RGS7: variants seen among roughly 807,000 people sequenced by gnomAD.
The protein encoded by RGS7 is regulator of G protein signaling 7, also known as regulator of G-protein signaling 7.
Under a neutral mutation model 81.1 loss-of-function variants are expected in RGS7, and 27 were observed. The observed-to-expected ratio is 0.33, with a 90% confidence interval of 0.25 to 0.46. RGS7 has a LOEUF of 0.46. RGS7 is among the 20% of genes least tolerant of loss of function. RGS7 has a pLI of 1.00. For synonymous variants in RGS7, 208 were observed against 207.7 expected, an observed-to-expected ratio of 1.00 and a Z score of -0.01; for missense variants, 396 against 607.4, an observed-to-expected ratio of 0.65 and a Z score of 3.66.
chr1:241,314,163 C>G (rs1163435881), intron 2 of RGS7, among the ~76,000 whole-genome samples: 1 of 152,180 alleles, frequency 6.6e-6, no homozygotes, highest in Non-Finnish European at 1.5e-5. Flanking sequence ...TGACTTCAAT[C>G]TTCGAAGTCC....
At chr1:240,905,897 T>C (rs1670742755) in intron 6 of RGS7, among the ~76,000 whole-genome samples, 1 of 152,182 alleles carries the variant, frequency 6.6e-6, no homozygotes. Flanking sequence ...GCTCAACAAG[T>C]ATTTGTAAAT....
chr1:241,018,529 C>CT (rs1236450980), intron 3 of RGS7, among the ~76,000 whole-genome samples: 1 of 151,662 alleles, frequency 6.6e-6, no homozygotes, highest in East Asian at 1.9e-4. Flanking sequence ...ATTTTTTTGT[C>CT]TTTTTTCTTG....
At chr1:240,791,031 T>C (rs182898544) in intron 18 of RGS7, among the ~76,000 whole-genome samples, 1 of 152,220 alleles carries the variant, frequency 6.6e-6, no homozygotes, top group South Asian at 2.1e-4. Flanking sequence ...ATTGGGTAAT[T>C]TGGCTGATGA....
chr1:240,813,323 A>G (rs772174837), intron 13 of RGS7, among the ~76,000 whole-genome samples: 8 of 152,238 alleles, frequency 5.3e-5, no homozygotes, highest in Non-Finnish European at 7.3e-5. Flanking sequence ...TTCCAGGAAG[A>G]TAATAGCAAT....
intron 3 of RGS7, among the ~76,000 whole-genome samples, chr1:241,083,935 T>C (rs1483767022): frequency 6.8e-6 from 1 of 146,754 alleles, no homozygotes; most frequent in Non-Finnish European, 1.5e-5. Context: ...AGAAGCATCT[T>C]AGAACCACCT....
chr1:241,072,616 C>T (rs1301635469), intron 3 of RGS7, among the ~76,000 whole-genome samples: 1 of 152,108 alleles, frequency 6.6e-6, no homozygotes, highest in African/African-American at 2.4e-5. Flanking sequence ...CCGGTCCCTC[C>T]AGGTTGATGG....
At chr1:240,797,069 C>G (rs750959785) in intron 18 of RGS7, among the ~76,000 whole-genome samples, 4 of 152,160 alleles carry the variant, frequency 2.6e-5, no homozygotes, top group Non-Finnish European at 5.9e-5. Flanking sequence ...TTAATTTCCA[C>G]TTCACACAAA....
chr1:241,161,719 CTTTTT>C (rs140807162), intron 2 of RGS7, among the ~76,000 whole-genome samples: 1 of 129,820 alleles, frequency 7.7e-6, no homozygotes. Flanking sequence ...TGTTTTATTG[CTTTTT>C]TTTTTTTTTT....
At chr1:241,160,124 A>AT (rs1442673646) in intron 2 of RGS7, among the ~76,000 whole-genome samples, 1 of 146,930 alleles carries the variant, frequency 6.8e-6, no homozygotes, top group Non-Finnish European at 1.5e-5. Context: ...AAAAAAAAAA[A>AT]AAAAAAGAAA....
intron 3 of RGS7, among the ~76,000 whole-genome samples, chr1:240,995,708 C>CTTTTTTTTTTTT (rs71172669): frequency 1.4e-5 from 2 of 139,800 alleles, no homozygotes; most frequent in African/African-American, 2.6e-5. Flanking sequence ...TGTGTCTTTT[C>CTTTTTTTTTTTT]TTTTTTTTTT....
At chr1:241,011,360 G>A (rs865823182) in intron 3 of RGS7, among the ~76,000 whole-genome samples, 7 of 152,154 alleles carry the variant, frequency 4.6e-5, no homozygotes, top group Non-Finnish European at 1.0e-4. Flanking sequence ...GCAAAGTAGA[G>A]CAGCCTCATG....
intron 2 of RGS7, among the ~76,000 whole-genome samples, chr1:241,167,274 C>T (rs763322569): frequency 1.3e-5 from 2 of 152,214 alleles, no homozygotes; most frequent in East Asian, 1.9e-4. Context: ...CGTGTTTGGC[C>T]GGGGGCAGAC....
At chr1:240,984,022 C>T (rs921724067) in intron 3 of RGS7, among the ~76,000 whole-genome samples, 2 of 152,058 alleles carry the variant, frequency 1.3e-5, no homozygotes, top group Non-Finnish European at 2.9e-5. Flanking sequence ...CTGAAGGGGC[C>T]TACGTAAAAA....
At chr1:241,046,177 A>G (rs79732486) in intron 3 of RGS7, among the ~76,000 whole-genome samples, 5,045 of 152,182 alleles carry the variant, frequency 0.033, 83 homozygotes, top group Middle Eastern at 0.048. Flanking sequence ...ACTTTATTTC[A>G]GGTTCAGTAG....
chr1:241,327,165 A>AC (rs2081651470), intron 2 of RGS7, among the ~76,000 whole-genome samples: 3 of 128,560 alleles, frequency 2.3e-5, no homozygotes, highest in Admixed American at 2.3e-4. Context: ...GAAAGAAAGA[A>AC]ACACACAGAC....
intron 3 of RGS7, among the ~76,000 whole-genome samples, chr1:241,013,612 T>C (rs893625358): frequency 1.2e-4 from 18 of 152,216 alleles, no homozygotes; most frequent in African/African-American, 4.3e-4. Flanking sequence ...ACTAGGGATC[T>C]GAAAGGGCCC....
intron 2 of RGS7, among the ~76,000 whole-genome samples, chr1:241,355,110 T>C (rs1489909196): frequency 6.6e-6 from 1 of 152,208 alleles, no homozygotes; most frequent in Non-Finnish European, 1.5e-5. Context: ...TTTAATGATT[T>C]AATAGGCATA....
At chr1:241,168,113 A>C (rs1331001219) in intron 2 of RGS7, among the ~76,000 whole-genome samples, 1 of 152,198 alleles carries the variant, frequency 6.6e-6, no homozygotes, top group Non-Finnish European at 1.5e-5. Context: ...CTAGCAACCC[A>C]TGAGAGGGTT....
chr1:240,987,225 T>C (rs1402489902), intron 3 of RGS7, among the ~76,000 whole-genome samples: 1 of 152,192 alleles, frequency 6.6e-6, no homozygotes, highest in African/African-American at 2.4e-5. Flanking sequence ...GCAAGCAAAA[T>C]AGAACACATT....
Sources: gnomAD v4.1 joint callset for allele counts (sites outside exome capture counted in the v4.1 genomes callset) on GRCh38, gnomAD v4.1.1 for gene constraint, MANE v1.5 for transcripts, NCBI Gene and HGNC (gene_info 2026-07-23, HGNC 2026-07-21) for gene names.